The following RTN4IP1 variants were observed in gnomAD, a reference collection of about 807,000 sequenced individuals.
RTN4IP1 encodes the protein reticulon 4 interacting protein 1, also known as NAD(P)H oxidoreductase RTN4IP1, mitochondrial.
RTN4IP1 carries 32 observed loss-of-function variants against 46.6 expected under a neutral mutation model. The observed-to-expected ratio is 0.69, with a 90% CI of 0.52 to 0.92. The LOEUF is 0.92. Among genes scored for constraint, RTN4IP1 ranks in the 40% least tolerant of loss-of-function variants. RTN4IP1 has a pLI of 0.00. For synonymous variants in RTN4IP1, 167 were observed against 161.8 expected (o/e 1.03, Z -0.24); for missense variants, 424 against 485.8 (o/e 0.87, Z 1.20).
chr6:106,600,614 T>A (rs1388910541), intron 5 of RTN4IP1, among the ~76,000 whole-genome samples: 1 of 151,944 alleles, frequency 6.6e-6, no homozygotes, highest in Non-Finnish European at 1.5e-5. Context: ...ACCACTAATC[T>A]GCTTTCTGTC....
In RTN4IP1 at chr6:106,628,953, T is replaced by C; in HGVS notation, c.69A>G (p.Lys23=). 6.2e-7 allele frequency: 1 copy of C among 1,614,132 alleles called. No individual in the cohort carries two copies. Among genetic ancestry groups the C allele is most frequent in the South Asian group, 1.1e-5 (1 of 91,084 alleles). The change falls in exon 1 of 9, where the codon AAA becomes AAG. Residue 23 remains lysine (K), a synonymous_variant. Coordinates refer to ENST00000369063, the MANE Select transcript of RTN4IP1 (RefSeq NM_032730.5). ...ACTAVCFWRS[K]VVQKPSVRRI... ...TTCTAACTGAAGGCTTTTGGACAACTTTGCTTCTCCAGAAGCAAACCGCAG... is the reference window on the plus strand; with the variant it reads ...TTCTAACTGAAGGCTTTTGGACAACCTTGCTTCTCCAGAAGCAAACCGCAG...
At chr6:106,617,620 C>T (rs933094156) in intron 4 of RTN4IP1, among the ~76,000 whole-genome samples, 2 of 152,062 alleles carry the variant, frequency 1.3e-5, no homozygotes, top group Non-Finnish European at 2.9e-5. Flanking sequence ...AACAGAGTAC[C>T]AAAGAATTAC....
At chr6:106,611,048 C>CAA (rs367661239) in intron 4 of RTN4IP1, among the ~76,000 whole-genome samples, 15 of 131,032 alleles carry the variant, frequency 1.1e-4, no homozygotes, top group East Asian at 1.1e-3. Context: ...AGCTGCCTTA[C>CAA]AAAAAAAAAA....
At chr6:106,595,376 T>C (rs1188997949) in intron 5 of RTN4IP1, among the ~76,000 whole-genome samples, 1 of 152,204 alleles carries the variant, frequency 6.6e-6, no homozygotes, top group Non-Finnish European at 1.5e-5. Context: ...CATGTCTGCT[T>C]GAGGCTCTCT....
chr6:106,593,370 A>G (rs1044550574), intron 5 of RTN4IP1, among the ~76,000 whole-genome samples: 2 of 152,222 alleles, frequency 1.3e-5, no homozygotes, highest in African/African-American at 4.8e-5. Flanking sequence ...CTGCTCCAAA[A>G]TTGCTAAAAT....
At position 106,629,306 on chromosome 6, in the gene RTN4IP1, G is replaced by T; in HGVS notation, c.-285C>A. On this transcript the variant is annotated 5_prime_UTR_variant, in exon 1 of 9. Coordinates refer to ENST00000369063, the MANE Select transcript of RTN4IP1 (RefSeq NM_032730.5). ...ACCCCCTCCACTTTAAAAAAAAAAG[G>T]GGGGGCGGGGCATTAAAAAGCAGGT... 1 of 497,506 alleles carries T rather than the reference G, an allele frequency of 2.0e-6. No homozygotes were observed. Among genetic ancestry groups the T allele is most frequent in the Non-Finnish European group, 3.4e-6 (1 of 293,526 alleles). The allele number at this position is 497,506 out of a possible 1,614,324, so 30.8% of individuals were successfully genotyped here.
At chr6:106,585,567 A>C (rs1430482059) in intron 7 of RTN4IP1, among the ~76,000 whole-genome samples, 1 of 152,192 alleles carries the variant, frequency 6.6e-6, no homozygotes, top group Non-Finnish European at 1.5e-5. Context: ...GTAAAGTGAA[A>C]CTTTTGGTCT....
intron 5 of RTN4IP1, among the ~76,000 whole-genome samples, chr6:106,595,147 T>C (rs1775752147): frequency 1.3e-5 from 2 of 152,186 alleles, no homozygotes; most frequent in South Asian, 4.1e-4. Context: ...CCCTTTGCTT[T>C]CCTATAATTT....
intron 4 of RTN4IP1, among the ~76,000 whole-genome samples, chr6:106,610,461 C>G (rs113520634): frequency 3.9e-4 from 60 of 152,274 alleles, no homozygotes; most frequent in African/African-American, 1.4e-3. Flanking sequence ...CTTCACAGCA[C>G]GTTCAATGCA....
upstream of RTN4IP1, chr6:106,629,632 C>G: frequency 6.3e-7 from 1 of 1,577,348 alleles, no homozygotes; most frequent in Non-Finnish European, 8.6e-7. Flanking sequence ...CCGGTGACCT[C>G]TTTTTCCCCC....
Position 106,571,789 on chromosome 6 carries a change from G to T in RTN4IP1, c.*207C>A. The T allele has an allele frequency of 2.5e-5, 11 of 439,252 alleles. No individual in the cohort carries two copies. Among genetic ancestry groups the T allele is most frequent in the East Asian group, 1.6e-4 (4 of 24,402 alleles). The allele number at this position is 439,252 out of a possible 1,614,324, so 27.2% of individuals were successfully genotyped here. Reference sequence around the variant, plus strand: ...TGAAGGAACAGCTTGAAAAAACTTCGAATTTCTACTGACTACAGACAAATC... The same window carrying T: ...TGAAGGAACAGCTTGAAAAAACTTCTAATTTCTACTGACTACAGACAAATC... On this transcript the variant is annotated 3_prime_UTR_variant, in exon 9 of 9. Transcript: ENST00000369063.
At chr6:106,603,467 C>G (rs1343570043) in intron 4 of RTN4IP1, among the ~76,000 whole-genome samples, 7 of 152,122 alleles carry the variant, frequency 4.6e-5, no homozygotes, top group African/African-American at 1.7e-4. Context: ...CACAACCATC[C>G]TCATACTGCA....
At chr6:106,579,560 T>C (rs910229845) in intron 8 of RTN4IP1, among the ~76,000 whole-genome samples, 8 of 152,162 alleles carry the variant, frequency 5.3e-5, no homozygotes, top group Non-Finnish European at 1.2e-4. Flanking sequence ...GTGAGCACAT[T>C]AAAGGCAGGA....
intron 1 of RTN4IP1, among the ~76,000 whole-genome samples, chr6:106,626,350 A>G (rs1776644672): frequency 1.3e-5 from 2 of 149,696 alleles, no homozygotes. Flanking sequence ...TCTGTCAGGG[A>G]AAAAAAAAAC....
chr6:106,610,888 A>C (rs1450880275), intron 4 of RTN4IP1, among the ~76,000 whole-genome samples: 1 of 152,136 alleles, frequency 6.6e-6, no homozygotes, highest in African/African-American at 2.4e-5. Context: ...TAATCTCTGA[A>C]TTCTCCCTAA....
chr6:106,594,495 G>C (rs949464970), intron 5 of RTN4IP1, among the ~76,000 whole-genome samples: 2 of 152,046 alleles, frequency 1.3e-5, no homozygotes, highest in African/African-American at 4.8e-5. Flanking sequence ...GGGTGACAGA[G>C]TGAGATTCTG....
chr6:106,608,087 C>T (rs952693953), intron 4 of RTN4IP1, among the ~76,000 whole-genome samples: 1 of 152,096 alleles, frequency 6.6e-6, no homozygotes, highest in Non-Finnish European at 1.5e-5. Flanking sequence ...CTTAAATGTC[C>T]ATTAACAGAT....
In RTN4IP1 at chr6:106,606,291, C is replaced by T. The variant is rs987866736; in HGVS notation, c.621-3369G>A. On this transcript the variant is annotated intron_variant, in intron 4 of 8. Transcript: ENST00000369063. ...AAAATTAGCTGGGCACAGTGGCACA[C>T]GCTTGTAGTCCTAGCTATTTGGGAG... Among the ~76,000 whole-genome samples the T allele has an allele frequency of 5.9e-5, 9 of 151,992 alleles. 1 individual carries two copies. In the South Asian group the frequency reaches 8.3e-4, roughly 14 times the overall value.
chr6:106,618,354 G>A (rs541160366), intron 4 of RTN4IP1, among the ~76,000 whole-genome samples: 2 of 152,030 alleles, frequency 1.3e-5, no homozygotes, highest in African/African-American at 2.4e-5. Flanking sequence ...ATTGTTAAAC[G>A]GTTCTTAGTA....
Sources: allele counts gnomAD v4.1 joint callset (sites outside exome capture counted in the v4.1 genomes callset), GRCh38; gene constraint gnomAD v4.1.1; transcripts MANE v1.5; gene names NCBI Gene and HGNC (gene_info 2026-07-23, HGNC 2026-07-21).